The following DCLK1 variants were observed in gnomAD, a reference collection of about 807,000 sequenced individuals.
DCLK1 encodes the protein serine/threonine-protein kinase DCLK1.
DCLK1 carries 16 observed loss-of-function variants against 86.2 expected under a neutral mutation model. The observed-to-expected ratio is 0.19, with a 90% CI of 0.13 to 0.28. DCLK1 has a LOEUF of 0.28. DCLK1 is among the 10% of genes least tolerant of loss of function. DCLK1 has a pLI of 1.00. For synonymous variants in DCLK1, 369 were observed against 370.5 expected, an observed-to-expected ratio of 1.00 and a Z score of 0.05; for missense variants, 590 against 940.2, an observed-to-expected ratio of 0.63 and a Z score of 4.87.
intron 6 of DCLK1, 145 bp from the exon 7 acceptor site, chr13:35,839,321 A>G (rs919201881): frequency 2.7e-5 from 17 of 629,960 alleles, no homozygotes; most frequent in Non-Finnish European, 4.7e-5. Context: ...AGACGCCTTC[A>G]GCATATTCAA....
intron 3 of DCLK1, among the ~76,000 whole-genome samples, chr13:36,069,006 T>A (rs1883867142): frequency 6.6e-6 from 1 of 152,374 alleles, no homozygotes; most frequent in African/African-American, 2.4e-5. Flanking sequence ...AATGTCACTT[T>A]AGCATAGTCT....
At chr13:36,102,258 TA>T (rs78130552) in intron 3 of DCLK1, among the ~76,000 whole-genome samples, 24,622 of 150,484 alleles carry the variant, frequency 0.16, 2,265 homozygotes, top group Non-Finnish European at 0.21. Flanking sequence ...TTTTTTTTAA[TA>T]AAAAAAATCA....
rs1872291983 is a variant in DCLK1 at position 35,871,844 on chromosome 13, G to T, written c.824-504C>A. Among the ~76,000 whole-genome samples the T allele has an allele frequency of 2.0e-5, 3 of 152,172 alleles. No homozygotes were observed. The South Asian group carries it at 6.2e-4, about 32-fold the overall frequency. On this transcript the variant is annotated intron_variant, in intron 4 of 16. Transcript: ENST00000360631. The stretch of plus-strand genomic sequence containing the variant: ...TGGGTCTTTATGATATGTGGGAGAT[G>T]ACAGCATTTGCTTGGAAGAGGTAAA...
At chr13:36,093,946 G>T (rs1013616650) in intron 3 of DCLK1, among the ~76,000 whole-genome samples, 6 of 151,944 alleles carry the variant, frequency 3.9e-5, no homozygotes, top group African/African-American at 9.7e-5. Context: ...TTGAGACGGG[G>T]TCTCACCATA....
At chr13:36,021,171 A>G (rs911944309) in intron 3 of DCLK1, among the ~76,000 whole-genome samples, 3 of 151,996 alleles carry the variant, frequency 2.0e-5, no homozygotes, top group Non-Finnish European at 4.4e-5. Context: ...CTGAAATTAC[A>G]TTGGCATTAT....
At chr13:35,857,692 T>C (rs184938329) in intron 5 of DCLK1, among the ~76,000 whole-genome samples, 3 of 152,332 alleles carry the variant, frequency 2.0e-5, no homozygotes, top group Non-Finnish European at 4.4e-5. Flanking sequence ...GGTGTTGCAA[T>C]TGGAATCCTA....
chr13:35,808,385 A>T (rs1011781475), intron 13 of DCLK1, 65 bp from the exon 14 acceptor site: 23 of 1,365,070 alleles, frequency 1.7e-5, no homozygotes, highest in Non-Finnish European at 2.1e-5. Flanking sequence ...ACATCTTTTC[A>T]GTCTTAGGCA....
At chr13:35,942,701 T>C (rs372739559) in intron 4 of DCLK1, among the ~76,000 whole-genome samples, 40 of 152,322 alleles carry the variant, frequency 2.6e-4, no homozygotes, top group African/African-American at 9.1e-4. Flanking sequence ...CAGCCACCTA[T>C]ACCATTTACT....
intron 4 of DCLK1, among the ~76,000 whole-genome samples, chr13:35,941,622 C>T (rs371999601): frequency 1.3e-5 from 2 of 152,150 alleles, no homozygotes; most frequent in Non-Finnish European, 2.9e-5. Context: ...CACACGCACA[C>T]GCACGCTGCG....
At chr13:36,049,015 A>C (rs1883032819) in intron 3 of DCLK1, among the ~76,000 whole-genome samples, 1 of 152,122 alleles carries the variant, frequency 6.6e-6, no homozygotes, top group Non-Finnish European at 1.5e-5. Flanking sequence ...TTATCTCCTC[A>C]TCTTATCTCA....
chr13:35,889,838 C>A (rs546872354), intron 4 of DCLK1, among the ~76,000 whole-genome samples: 1 of 152,208 alleles, frequency 6.6e-6, no homozygotes, highest in South Asian at 2.1e-4. Flanking sequence ...CACTAACAGA[C>A]TATCATAGCC....
intron 3 of DCLK1, among the ~76,000 whole-genome samples, chr13:35,989,272 C>CTTA (rs1384023168): frequency 1.3e-5 from 2 of 151,924 alleles, no homozygotes; most frequent in African/African-American, 4.8e-5. Flanking sequence ...CTTTCTTCTT[C>CTTA]TTATTATTAT....
At chr13:35,858,207 A>C (rs538105186) in intron 5 of DCLK1, among the ~76,000 whole-genome samples, 1 of 152,206 alleles carries the variant, frequency 6.6e-6, no homozygotes, top group East Asian at 1.9e-4. Flanking sequence ...TGGCTGATCT[A>C]GGGTAGTGTC....
intron 3 of DCLK1, among the ~76,000 whole-genome samples, chr13:35,958,210 C>CCACCACCACCACTATAACCACCAT (rs1566620863): frequency 7.4e-5 from 10 of 135,018 alleles, no homozygotes; most frequent in African/African-American, 2.9e-4. Flanking sequence ...ACCATTATAA[C>CCACCACCACCACTATAACCACCAT]CATCACCACC....
At chr13:35,934,478 A>C (rs1593746371) in intron 4 of DCLK1, among the ~76,000 whole-genome samples, 1 of 152,348 alleles carries the variant, frequency 6.6e-6, no homozygotes, top group Middle Eastern at 3.4e-3. Context: ...AGGAGCAAGT[A>C]ATGTCTTACA....
At chr13:36,097,263 C>G (rs1040254283) in intron 3 of DCLK1, among the ~76,000 whole-genome samples, 2 of 152,198 alleles carry the variant, frequency 1.3e-5, no homozygotes, top group Non-Finnish European at 2.9e-5. Context: ...AAGGAACTTT[C>G]TTGGTCAAAG....
chr13:35,887,656 G>C (rs1344687085), intron 4 of DCLK1, among the ~76,000 whole-genome samples: 1 of 151,944 alleles, frequency 6.6e-6, no homozygotes, highest in Non-Finnish European at 1.5e-5. Flanking sequence ...AAAAACCAAA[G>C]GCAAACAATT....
At chr13:36,082,891 A>C (rs528731173) in intron 3 of DCLK1, among the ~76,000 whole-genome samples, 1 of 152,348 alleles carries the variant, frequency 6.6e-6, no homozygotes, top group African/African-American at 2.4e-5. Flanking sequence ...GGATATACAA[A>C]GAGATGGCTG....
intron 3 of DCLK1, among the ~76,000 whole-genome samples, chr13:36,030,069 T>C (rs533951278): frequency 6.6e-6 from 1 of 152,328 alleles, no homozygotes; most frequent in South Asian, 2.1e-4. Flanking sequence ...TAATGAGTTT[T>C]AGTTGCTTGA....
Sources: gnomAD v4.1 joint callset for allele counts (sites outside exome capture counted in the v4.1 genomes callset) on GRCh38, gnomAD v4.1.1 for gene constraint, MANE v1.5 for transcripts, NCBI Gene and HGNC (gene_info 2026-07-23, HGNC 2026-07-21) for gene names.